The following DSP variants were observed in gnomAD, a reference collection of about 807,000 sequenced individuals.
DSP encodes 250/210 kDa paraneoplastic pemphigus antigen.
In DSP, 114 loss-of-function variants were observed where a neutral mutation model predicts 290.6. The ratio of observed to expected loss-of-function variants is 0.39; its 90% CI spans 0.34 to 0.46. The LOEUF (loss-of-function observed/expected upper bound fraction) is 0.46, where lower values mean the gene tolerates loss of function less well. DSP is among the 20% of genes least tolerant of loss of function. The pLI is 0.99. For missense variants in DSP, 3,230 were observed against 3,495.8 expected (o/e 0.92, Z 1.92); for synonymous variants, 1,311 against 1,316.4 (o/e 1.00, Z 0.09).
Position 7,581,647 on chromosome 6 carries a change from C to A in DSP, c.5379+78C>A, listed in dbSNP as rs1759444769. ...ATTATTATCTCATCTGAACTGTGCT[C>A]TTTCTGCTTAAATAGATGCTTATAG... On this transcript the variant is annotated intron_variant, in intron 23 of 23. Coordinates refer to ENST00000379802, the MANE Select transcript of DSP (RefSeq NM_004415.4). The A allele has an allele frequency of 5.1e-6, 8 of 1,580,208 alleles. No individual in the cohort carries two copies. In the Admixed American group the frequency reaches 7.0e-5, roughly 14 times the overall value.
chr6:7,572,029 A>T lies in DSP; in HGVS notation c.2091A>T (p.Gly697=), dbSNP rs2076304. ...TLKNLPLADQ[G]SSHHITVKIN... Reference sequence around the variant, plus strand: ...AAAACCTCCCTCTAGCAGACCAGGGATCTTCTCACCACATCACAGTGAAAA... The same window carrying T: ...AAAACCTCCCTCTAGCAGACCAGGGTTCTTCTCACCACATCACAGTGAAAA... Residue 697 remains glycine (G), a synonymous_variant, in exon 15 of 24, where the codon GGA becomes GGT. Transcript: ENST00000379802. The T allele has an allele frequency of 1.4e-5, 23 of 1,613,870 alleles. No individual in the cohort carries two copies. The highest frequency in any genetic ancestry group is 1.9e-5 in the Non-Finnish European group (22 of 1,179,968).
chr6:7,576,915 A>G (rs995673511), intron 19 of DSP, 44 bp from the exon 20 acceptor site: 2 of 1,490,044 alleles, frequency 1.3e-6, no homozygotes, highest in South Asian at 2.3e-5. Context: ...ATTTAAAAAT[A>G]TTTGTATGCA....
At chr6:7,568,028 A>C (rs149878245) in intron 10 of DSP, 122 bp downstream of exon 10, 1 of 1,429,332 alleles carries the variant, frequency 7.0e-7, no homozygotes, top group African/African-American at 1.4e-5. Context: ...CCAAGCAAGC[A>C]TTTTCTTCAG....
chr6:7,544,742 CG>C (rs2113636117), intron 1 of DSP, among the ~76,000 whole-genome samples: 1 of 152,256 alleles, frequency 6.6e-6, no homozygotes, highest in African/African-American at 2.4e-5. Context: ...AGCACTTACC[CG>C]TTTTTAGGAC....
intron 1 of DSP, among the ~76,000 whole-genome samples, chr6:7,547,250 T>G (rs1355072853): frequency 6.6e-6 from 1 of 152,090 alleles, no homozygotes; most frequent in Non-Finnish European, 1.5e-5. Flanking sequence ...CATGAGCTGC[T>G]CATTTGAGGT....
Position 7,582,536 on chromosome 6 carries a change from G to A in DSP, c.5380-106G>A. On this transcript the variant is annotated intron_variant, in intron 23 of 23. Transcript: ENST00000379802. The surrounding 1 kb of genome is among the most constrained non-coding windows in gnomAD (Gnocchi z 4.2). The stretch of plus-strand genomic sequence containing the variant: ...AATATAGAAAGAAAAAATAAGCAAG[G>A]CTTTTTTTTTTAAAGATAGATACAC... 1 of 1,037,918 alleles carries A rather than the reference G, an allele frequency of 9.6e-7. No homozygotes were observed. The highest frequency in any genetic ancestry group is 1.4e-6 in the Non-Finnish European group (1 of 701,538). The allele number at this position is 1,037,918 out of a possible 1,614,324, so 64.3% of individuals were successfully genotyped here.
At chr6:7,557,665 G>A (rs1298031168) in intron 2 of DSP, among the ~76,000 whole-genome samples, 1 of 152,156 alleles carries the variant, frequency 6.6e-6, no homozygotes, top group Admixed American at 6.6e-5. Context: ...GGGCAACAGA[G>A]CAAGGCTCTG....
chr6:7,572,791 C>A (rs541792786), intron 15 of DSP, among the ~76,000 whole-genome samples: 34 of 152,242 alleles, frequency 2.2e-4, no homozygotes, highest in African/African-American at 7.9e-4. Context: ...GCGATTTTGT[C>A]ATGCAAGCGC....
At chr6:7,549,814 G>T (rs1053299456) in intron 1 of DSP, among the ~76,000 whole-genome samples, 1 of 152,130 alleles carries the variant, frequency 6.6e-6, no homozygotes, top group African/African-American at 2.4e-5. Flanking sequence ...CAGTTAGAGA[G>T]AAAATATATA....
rs779863353 is a variant in DSP, at chr6:7,580,647, T to C, written c.4457T>C (p.Leu1486Ser). ...IQDKNKEIER[L>S]KQLIDKETND... is the part of the protein sequence containing the mutation. The stretch of plus-strand genomic sequence containing the variant: ...GATAAAAACAAGGAGATAGAAAGGT[T>C]AAAACAACTGATCGACAAAGAAACA... Residue 1486 changes from leucine (L) to serine (S), a missense_variant, in exon 23 of 24, where the codon TTA (leucine) becomes TCA (serine). This residue lies in a region of DSP where 1,714 missense variants were observed against 1,844.5 expected (regional missense o/e 0.93). Coordinates refer to ENST00000379802, the MANE Select transcript of DSP (RefSeq NM_004415.4). The surrounding 1 kb of genome is among the most constrained non-coding windows in gnomAD (Gnocchi z 4.2). 3 of 1,613,962 alleles carry C rather than the reference T, an allele frequency of 1.9e-6. No homozygotes were observed. Among genetic ancestry groups the C allele is most frequent in the Non-Finnish European group, 2.5e-6 (3 of 1,180,002 alleles).
At chr6:7,574,514 G>A (rs1482407295) in intron 16 of DSP, 143 bp from the exon 17 acceptor site, 3 of 1,231,070 alleles carry the variant, frequency 2.4e-6, no homozygotes, top group Non-Finnish European at 3.5e-6. Flanking sequence ...ATGTTGGTCT[G>A]AATCACAATA....
rs769583264 is a variant in DSP, at chr6:7,576,252, A to T, written c.2631-42A>T. 20 of 1,601,708 alleles carry T rather than the reference A, an allele frequency of 1.2e-5. No homozygotes were observed. The South Asian group carries it at 2.2e-4, about 18-fold the overall frequency. ...GTGATTCTATGTTACATATTTTAGG[A>T]ACTAATAAGATAATGATTTTATTGT... is the stretch of plus-strand genomic sequence containing the variant. On this transcript the variant is annotated intron_variant, in intron 18 of 23. Transcript: ENST00000379802.
At chr6:7,572,141 C>T (rs902343391) in intron 15 of DSP, 73 bp downstream of exon 15, 4 of 1,364,074 alleles carry the variant, frequency 2.9e-6, no homozygotes, top group South Asian at 1.3e-5. Context: ...AAAAAAAATC[C>T]TGGTTTAAAT....
intron 1 of DSP, among the ~76,000 whole-genome samples, chr6:7,543,743 C>T (rs1025113282): frequency 2.0e-5 from 3 of 152,098 alleles, no homozygotes; most frequent in Admixed American, 6.5e-5. Context: ...TATAACTATG[C>T]TTTTGCTAGC....
chr6:7,577,790 C>T lies in DSP; in HGVS notation c.2889C>T (p.Leu963=). ...LCANSIKDYE[L]QLASYTSGLE... ...TCATTATGCTGCAGGATTATGAGCT[C>T]CAGCTGGCCTCATACACCTCAGGAC... Residue 963 remains leucine (L), a synonymous_variant, in exon 21 of 24, where the codon CTC becomes CTT. Coordinates refer to ENST00000379802, the MANE Select transcript of DSP (RefSeq NM_004415.4). 1 of 1,614,010 alleles carries T rather than the reference C, an allele frequency of 6.2e-7. No homozygotes were observed. Among genetic ancestry groups the T allele is most frequent in the East Asian group, 2.2e-5 (1 of 44,876 alleles).
intron 3 of DSP, among the ~76,000 whole-genome samples, chr6:7,558,492 T>C (rs1413632563): frequency 6.6e-6 from 1 of 151,648 alleles, no homozygotes; most frequent in Non-Finnish European, 1.5e-5. Flanking sequence ...GAAAGCCCTT[T>C]GGCATGGCAT....
chr6:7,567,770 A>T lies in DSP; in HGVS notation c.1141-11A>T. ...TGCTGTTCATTCACTGATCACTCTC[A>T]TCCTTCACAGTTTTTTGAAGAGGCG... is the stretch of plus-strand genomic sequence containing the variant. On this transcript the variant is annotated splice_polypyrimidine_tract_variant and intron_variant, in intron 9 of 23. Coordinates refer to ENST00000379802, the MANE Select transcript of DSP (RefSeq NM_004415.4). 6.2e-7 allele frequency: 1 copy of T among 1,613,942 alleles called. No individual in the cohort carries two copies. The highest frequency in any genetic ancestry group is 8.5e-7 in the Non-Finnish European group (1 of 1,179,940).
intron 16 of DSP, 137 bp downstream of exon 16, chr6:7,574,389 C>A: frequency 2.1e-6 from 2 of 967,502 alleles, no homozygotes; most frequent in South Asian, 1.5e-5. Flanking sequence ...GTTTGGAGAG[C>A]ATGTTAATTC....
Position 7,558,097 on chromosome 6 carries a change from T to G in DSP, c.274-19T>G. The G allele has an allele frequency of 6.2e-7, 1 of 1,614,226 alleles. No individual in the cohort carries two copies. Among genetic ancestry groups the G allele is most frequent in the Non-Finnish European group, 8.5e-7 (1 of 1,180,012 alleles). The stretch of plus-strand genomic sequence containing the variant: ...TCCTGGTAGTATGTGTTTTCCTTCA[T>G]GTGAGTGTTTTCTTTCAGGAATTGA... On this transcript the variant is annotated intron_variant, in intron 2 of 23. Transcript: ENST00000379802.
Sources: gnomAD v4.1 joint callset for allele counts (sites outside exome capture counted in the v4.1 genomes callset) on GRCh38, gnomAD v4.1.1 for gene constraint, gnomAD v4.1.1 regional missense constraint, Gnocchi (gnomAD v3.1) non-coding constraint, MANE v1.5 for transcripts, NCBI Gene and HGNC (gene_info 2026-07-23, HGNC 2026-07-21) for gene names.